The following RSRC1 variants were observed in gnomAD, a reference collection of about 807,000 sequenced individuals.
RSRC1 encodes the protein arginine and serine rich coiled-coil 1, also known as serine/Arginine-related protein 53.
A neutral mutation model predicts 49.1 loss-of-function variants in RSRC1; 39 were observed. The ratio of observed to expected loss-of-function variants is 0.79; its 90% CI spans 0.61 to 1.04. The LOEUF is 1.04. RSRC1 is among the 50% of genes least tolerant of loss of function. The pLI, the probability that RSRC1 is intolerant of heterozygous loss-of-function variation, is 0.00. For synonymous variants in RSRC1, 143 were observed against 130.8 expected (o/e 1.09, Z -0.63); for missense variants, 388 against 402.4 (o/e 0.96, Z 0.31).
intron 7 of RSRC1, among the ~76,000 whole-genome samples, chr3:158,503,160 T>C (rs1421051892): frequency 6.6e-6 from 1 of 152,180 alleles, no homozygotes; most frequent in Non-Finnish European, 1.5e-5. Flanking sequence ...GTCTCTCTTC[T>C]GGGTCTAGCC....
rs911103937 is a variant in RSRC1 at position 158,174,782 on chromosome 3, T to A, written c.321-28290T>A. On this transcript the variant is annotated intron_variant, in intron 3 of 9. Transcript: ENST00000611884. The stretch of plus-strand genomic sequence containing the variant: ...ACAATGGATATCTAGATTGTATCCA[T>A]TTTGGTATTACAAAGAATGGTACTA... 1.8e-4 allele frequency among the ~76,000 whole-genome samples: 28 copies of A among 152,120 alleles called. 1 individual carries two copies. The highest frequency in any genetic ancestry group is 5.9e-5 in the Non-Finnish European group (4 of 67,936).
intron 3 of RSRC1, among the ~76,000 whole-genome samples, chr3:158,125,138 CTAAG>C (rs1277348081): frequency 6.6e-6 from 1 of 151,988 alleles, no homozygotes; most frequent in Non-Finnish European, 1.5e-5. Context: ...CTTAATCTAA[CTAAG>C]TACTTGTTAA....
intron 6 of RSRC1, among the ~76,000 whole-genome samples, chr3:158,379,424 T>A (rs1732572180): frequency 6.6e-6 from 1 of 151,850 alleles, no homozygotes. Context: ...ATGGTCTCGA[T>A]CTCCTGACCT....
In RSRC1 at chr3:158,483,789, A is replaced by AT. The variant is rs1195605837; in HGVS notation, c.652+22793dup. On this transcript the variant is annotated intron_variant, in intron 7 of 9. Coordinates refer to ENST00000611884, the MANE Select transcript of RSRC1 (RefSeq NM_001271838.2). ...CTGGTGCCTACAGTCTTGAATTTGCATTTTTTTGTTTCTTTTATATATTGG... is the reference window on the plus strand; with the variant it reads ...CTGGTGCCTACAGTCTTGAATTTGCATTTTTTTTGTTTCTTTTATATATTGG... 2.6e-5 allele frequency among the ~76,000 whole-genome samples: 4 copies of AT among 152,098 alleles called. No individual in the cohort carries two copies. The East Asian group carries it at 7.7e-4, about 29-fold the overall frequency.
chr3:158,225,223 T>C (rs1722462525), intron 4 of RSRC1, among the ~76,000 whole-genome samples: 1 of 151,860 alleles, frequency 6.6e-6, no homozygotes, highest in African/African-American at 2.4e-5. Flanking sequence ...GATACATTTT[T>C]CCAAGATAGC....
intron 6 of RSRC1, among the ~76,000 whole-genome samples, chr3:158,428,648 G>A (rs1467357112): frequency 1.3e-5 from 2 of 151,866 alleles, no homozygotes; most frequent in Non-Finnish European, 2.9e-5. Context: ...AGTGGACTGC[G>A]AATTGGCACA....
At chr3:158,405,849 T>C (rs1734137732) in intron 6 of RSRC1, among the ~76,000 whole-genome samples, 1 of 152,122 alleles carries the variant, frequency 6.6e-6, no homozygotes, top group Non-Finnish European at 1.5e-5. Flanking sequence ...TGAATCATTG[T>C]ATCTGGTATT....
At chr3:158,171,056 G>C (rs1194659895) in intron 3 of RSRC1, among the ~76,000 whole-genome samples, 1 of 152,152 alleles carries the variant, frequency 6.6e-6, no homozygotes, top group Non-Finnish European at 1.5e-5. Context: ...GAGAACCAGA[G>C]AAAGAGATCC....
intron 7 of RSRC1, among the ~76,000 whole-genome samples, chr3:158,487,963 A>AAAAAAAAAAAAAAAAAAAAAAAAAAAAAG (rs1738895806): frequency 6.8e-6 from 1 of 147,872 alleles, no homozygotes; most frequent in Non-Finnish European, 1.5e-5. Flanking sequence ...AAAAAAAAAA[A>AAAAAAAAAAAAAAAAAAAAAAAAAAAAAG]AAAAAAAAAA....
chr3:158,483,322 A>G (rs1157483478), intron 7 of RSRC1, among the ~76,000 whole-genome samples: 1 of 152,038 alleles, frequency 6.6e-6, no homozygotes, highest in Non-Finnish European at 1.5e-5. Context: ...GATGATTTGT[A>G]TTTCTCATCT....
At chr3:158,531,184 G>C (rs1430924947) in intron 7 of RSRC1, among the ~76,000 whole-genome samples, 1 of 151,450 alleles carries the variant, frequency 6.6e-6, no homozygotes, top group Non-Finnish European at 1.5e-5. Flanking sequence ...CTCAAGAAGA[G>C]ATTTGCAAGG....
intron 5 of RSRC1, among the ~76,000 whole-genome samples, chr3:158,320,449 G>A (rs368084147): frequency 3.9e-5 from 6 of 152,082 alleles, no homozygotes; most frequent in Admixed American, 1.3e-4. Flanking sequence ...ACACATTGTA[G>A]GAAAAATGTA....
chr3:158,285,429 A>G (rs2108086783), intron 4 of RSRC1, among the ~76,000 whole-genome samples: 1 of 152,326 alleles, frequency 6.6e-6, no homozygotes, highest in South Asian at 2.1e-4. Flanking sequence ...AATTCTGTGA[A>G]GAAAGTCATT....
At chr3:158,424,478 T>A (rs1735285276) in intron 6 of RSRC1, among the ~76,000 whole-genome samples, 1 of 150,914 alleles carries the variant, frequency 6.6e-6, no homozygotes, top group Non-Finnish European at 1.5e-5. Flanking sequence ...GGATTCGGTT[T>A]GCCAGTATTT....
In RSRC1 at chr3:158,188,131, A is replaced by G. The variant is rs137931815; in HGVS notation, c.321-14941A>G. ...AATTTTGTTCCAGTGCTAATACTTG[A>G]CTCTATGCAATGCCTTTGGTGTGAG... On this transcript the variant is annotated intron_variant, in intron 3 of 9. Coordinates refer to ENST00000611884, the MANE Select transcript of RSRC1 (RefSeq NM_001271838.2). Among the ~76,000 whole-genome samples, 592 of 151,606 alleles carry G rather than the reference A, an allele frequency of 3.9e-3. 4 individuals are homozygous for G. Among genetic ancestry groups the G allele is most frequent in the African/African-American group, 0.013 (556 of 41,366 alleles).
intron 7 of RSRC1, among the ~76,000 whole-genome samples, chr3:158,483,084 C>T (rs1337021233): frequency 6.6e-6 from 1 of 151,952 alleles, no homozygotes; most frequent in Non-Finnish European, 1.5e-5. Context: ...ATCATACTCC[C>T]AGTAGCCATT....
intron 6 of RSRC1, among the ~76,000 whole-genome samples, chr3:158,457,799 T>A (rs1414661303): frequency 6.6e-6 from 1 of 151,494 alleles, no homozygotes; most frequent in Non-Finnish European, 1.5e-5. Context: ...TAACCTAAAT[T>A]TGGCTCTTAC....
chr3:158,339,076 A>G (rs1730080611), intron 5 of RSRC1, among the ~76,000 whole-genome samples: 1 of 151,750 alleles, frequency 6.6e-6, no homozygotes, highest in African/African-American at 2.4e-5. Context: ...ATGGATCATG[A>G]GGTCAGGAGA....
intron 3 of RSRC1, among the ~76,000 whole-genome samples, chr3:158,181,102 C>T (rs1452035438): frequency 1.3e-5 from 2 of 152,140 alleles, no homozygotes; most frequent in Admixed American, 6.5e-5. Context: ...CCGCCCCTGG[C>T]CCTATGTACG....
Sources: allele counts gnomAD v4.1 joint callset (sites outside exome capture counted in the v4.1 genomes callset), GRCh38; gene constraint gnomAD v4.1.1; transcripts MANE v1.5; gene names NCBI Gene and HGNC (gene_info 2026-07-23, HGNC 2026-07-21).